Variants in CFDP1 observed in about 807,000 individuals in gnomAD.
CFDP1 encodes heterochromatin-stabilizing protein CFDP1.
In CFDP1, 31 loss-of-function variants were observed where a neutral mutation model predicts 40.1. The ratio of observed to expected loss-of-function variants is 0.77; its 90% CI spans 0.58 to 1.04. The LOEUF (loss-of-function observed/expected upper bound fraction) is 1.04, where lower values mean the gene tolerates loss of function less well. CFDP1 is among the 50% of genes least tolerant of loss of function. CFDP1 has a pLI of 0.00. For synonymous variants in CFDP1, 167 were observed against 120.0 expected, an observed-to-expected ratio of 1.39 and a Z score of -2.56; for missense variants, 423 against 343.4, an observed-to-expected ratio of 1.23 and a Z score of -1.83.
At chr16:75,354,399 C>T (rs1214085000) in intron 5 of CFDP1, among the ~76,000 whole-genome samples, 12 of 152,038 alleles carry the variant, frequency 7.9e-5, no homozygotes, top group Non-Finnish European at 1.5e-4. Flanking sequence ...GATCACAGAG[C>T]GGGATATGGC....
chr16:75,348,089 G>C (rs1216380342), intron 5 of CFDP1, among the ~76,000 whole-genome samples: 1 of 152,172 alleles, frequency 6.6e-6, no homozygotes. Context: ...GAAGTCTATC[G>C]TTTAGTTAAT....
At chr16:75,394,923 A>C in intron 5 of CFDP1, 167 bp downstream of exon 5, 1 of 843,056 alleles carries the variant, frequency 1.2e-6, no homozygotes, top group Non-Finnish European at 1.7e-6. Flanking sequence ...AGTTATGGCT[A>C]ATTTTCCTTT....
chr16:75,353,135 G>T (rs1481706429), intron 5 of CFDP1, among the ~76,000 whole-genome samples: 2 of 152,150 alleles, frequency 1.3e-5, no homozygotes, highest in Non-Finnish European at 2.9e-5. Context: ...GAAATCTGAT[G>T]ATTAAAAAGG....
At chr16:75,320,413 T>C (rs1009079939) in intron 5 of CFDP1, among the ~76,000 whole-genome samples, 3 of 150,888 alleles carry the variant, frequency 2.0e-5, no homozygotes, top group African/African-American at 7.3e-5. Context: ...TTGGCTGCTC[T>C]GCCAACAGAT....
chr16:75,336,414 T>C (rs577563508), intron 5 of CFDP1, among the ~76,000 whole-genome samples: 10 of 152,294 alleles, frequency 6.6e-5, no homozygotes, highest in African/African-American at 1.7e-4. Flanking sequence ...AGCAAGAACA[T>C]TGTAAGCAGC....
intron 6 of CFDP1, among the ~76,000 whole-genome samples, chr16:75,294,374 C>A (rs1237148434): frequency 2.0e-5 from 3 of 152,218 alleles, no homozygotes; most frequent in Admixed American, 1.3e-4. Context: ...CACTGATTAG[C>A]TGGGCAAAGG....
chr16:75,429,444 A>C (rs1030313720), intron 1 of CFDP1, among the ~76,000 whole-genome samples: 2 of 152,180 alleles, frequency 1.3e-5, no homozygotes, highest in Non-Finnish European at 2.9e-5. Context: ...ACCTGAGGTC[A>C]GGAGTTCAAT....
At chr16:75,387,470 T>C (rs1007771533) in intron 5 of CFDP1, among the ~76,000 whole-genome samples, 4 of 152,192 alleles carry the variant, frequency 2.6e-5, no homozygotes, top group African/African-American at 9.7e-5. Context: ...ACAAACCATG[T>C]CATTCTGGAG....
intron 4 of CFDP1, among the ~76,000 whole-genome samples, chr16:75,397,646 G>A (rs757803275): frequency 6.6e-6 from 1 of 151,714 alleles, no homozygotes; most frequent in Non-Finnish European, 1.5e-5. Flanking sequence ...ACTAAAAAAA[G>A]TAAAAAAAAT....
At chr16:75,320,011 T>C (rs1281302171) in intron 5 of CFDP1, among the ~76,000 whole-genome samples, 1 of 152,240 alleles carries the variant, frequency 6.6e-6, no homozygotes, top group Admixed American at 6.5e-5. Flanking sequence ...CACAACATTG[T>C]TTCTCTTTAA....
At chr16:75,411,508 G>A (rs539263185) in intron 4 of CFDP1, among the ~76,000 whole-genome samples, 1 of 152,176 alleles carries the variant, frequency 6.6e-6, no homozygotes, top group Non-Finnish European at 1.5e-5. Context: ...TGCAGTCAAG[G>A]AGAGTAATAA....
At chr16:75,339,497 T>C (rs1037484731) in intron 5 of CFDP1, among the ~76,000 whole-genome samples, 1 of 152,186 alleles carries the variant, frequency 6.6e-6, no homozygotes, top group Non-Finnish European at 1.5e-5. Context: ...TTATGATGGT[T>C]TGGCGACTGT....
At chr16:75,352,997 T>C (rs572840749) in intron 5 of CFDP1, among the ~76,000 whole-genome samples, 2 of 152,352 alleles carry the variant, frequency 1.3e-5, no homozygotes, top group East Asian at 1.9e-4. Context: ...CAGAGGAACA[T>C]GTTAAACTCT....
At chr16:75,301,032 G>C (rs1364041076) in intron 6 of CFDP1, among the ~76,000 whole-genome samples, 1 of 152,166 alleles carries the variant, frequency 6.6e-6, no homozygotes, top group Non-Finnish European at 1.5e-5. Context: ...GAAACTTAAA[G>C]GAATAAAGCA....
intron 5 of CFDP1, among the ~76,000 whole-genome samples, chr16:75,358,890 C>T (rs1311495938): frequency 1.3e-5 from 2 of 151,954 alleles, no homozygotes; most frequent in Non-Finnish European, 2.9e-5. Flanking sequence ...TTGAGAATGT[C>T]TAATGAAATC....
intron 5 of CFDP1, among the ~76,000 whole-genome samples, chr16:75,381,643 G>A (rs940632799): frequency 6.6e-6 from 1 of 152,126 alleles, no homozygotes; most frequent in African/African-American, 2.4e-5. Context: ...TCTCTCTTTG[G>A]CAAGCTACTG....
Position 75,404,890 on chromosome 16 carries a change from T to G in CFDP1, c.530+6935A>C, listed in dbSNP as rs897097207. On this transcript the variant is annotated intron_variant, in intron 4 of 6. Coordinates refer to ENST00000283882, the MANE Select transcript of CFDP1 (RefSeq NM_006324.3). ...AGCACAACGGATAGCGCGCTGGACT[T>G]CTAGACTGGATTTTAGATTGAACAA... Among the ~76,000 whole-genome samples the G allele has an allele frequency of 2.6e-5, 4 of 152,206 alleles. No individual in the cohort carries two copies. The East Asian group carries it at 7.7e-4, about 29-fold the overall frequency.
intron 1 of CFDP1, 64 bp from the exon 2 acceptor site, chr16:75,414,759 T>C: frequency 9.1e-7 from 1 of 1,100,644 alleles, no homozygotes; most frequent in South Asian, 1.3e-5. Flanking sequence ...TGAGACATTT[T>C]CATTAATACA....
chr16:75,398,967 G>A (rs1320017939), intron 4 of CFDP1, among the ~76,000 whole-genome samples: 6 of 149,092 alleles, frequency 4.0e-5, no homozygotes, highest in Admixed American at 2.8e-4. Flanking sequence ...TGAGGCAGGA[G>A]AATAGTGGGA....
Sources: gnomAD v4.1 joint callset for allele counts (sites outside exome capture counted in the v4.1 genomes callset) on GRCh38, gnomAD v4.1.1 for gene constraint, MANE v1.5 for transcripts, NCBI Gene and HGNC (gene_info 2026-07-23, HGNC 2026-07-21) for gene names.